Variants in ERBB4 observed in about 807,000 individuals in gnomAD.
ERBB4 encodes receptor tyrosine-protein kinase erbB-4.
ERBB4 carries 42 observed loss-of-function variants against 158.0 expected under a neutral mutation model. The observed-to-expected ratio is 0.27, with a 90% confidence interval of 0.21 to 0.34. ERBB4 has a LOEUF of 0.34. ERBB4 is among the 10% of genes least tolerant of loss of function. The pLI, the probability that ERBB4 is intolerant of heterozygous loss-of-function variation, is 1.00. For missense variants in ERBB4, 1,333 were observed against 1,624.1 expected, an observed-to-expected ratio of 0.82 and a Z score of 3.08; for synonymous variants, 583 against 558.7, an observed-to-expected ratio of 1.04 and a Z score of -0.61.
chr2:212,312,076 C>A (rs189086766), intron 1 of ERBB4, among the ~76,000 whole-genome samples: 8 of 150,900 alleles, frequency 5.3e-5, no homozygotes, highest in African/African-American at 1.9e-4. Context: ...CTGAAGAAAG[C>A]GAAGATTTTT....
At position 211,382,520 on chromosome 2, in the gene ERBB4, T is replaced by C; in HGVS notation, c.*1095A>G. On this transcript the variant is annotated 3_prime_UTR_variant, in exon 28 of 28. Transcript: ENST00000342788. Reference sequence around the variant, plus strand: ...AGTTCAGAAAAAGAACAAATAAAATTACAGCTTAAGTGCAAACTACATTTC... The same window carrying C: ...AGTTCAGAAAAAGAACAAATAAAATCACAGCTTAAGTGCAAACTACATTTC... 1 of 232,894 alleles carries C rather than the reference T, an allele frequency of 4.3e-6. No individual in the cohort carries two copies. The highest frequency in any genetic ancestry group is 8.5e-6 in the Non-Finnish European group (1 of 117,540). 14.4% of individuals were successfully genotyped at this position (232,894 alleles called of 1,614,324 possible).
chr2:211,619,318 A>G, intron 18 of ERBB4, 43 bp from the exon 19 acceptor site: 1 of 1,086,856 alleles, frequency 9.2e-7, no homozygotes, highest in Non-Finnish European at 1.4e-6. Context: ...ATCTCAACCT[A>G]TTAAGTTCTT....
At chr2:211,847,581 A>C (rs1370874855) in intron 3 of ERBB4, among the ~76,000 whole-genome samples, 1 of 152,272 alleles carries the variant, frequency 6.6e-6, no homozygotes, top group South Asian at 2.1e-4. Context: ...GGCCCAGAAC[A>C]GCTTTGAATG....
At chr2:212,357,054 A>G (rs1006832130) in intron 1 of ERBB4, among the ~76,000 whole-genome samples, 11 of 151,922 alleles carry the variant, frequency 7.2e-5, no homozygotes, top group Non-Finnish European at 1.6e-4. Context: ...CATAAGATAC[A>G]TAATAGTGTC....
At chr2:211,704,274 A>C (rs571398407) in intron 10 of ERBB4, 80 bp from the exon 11 acceptor site, 1 of 916,180 alleles carries the variant, frequency 1.1e-6, no homozygotes, top group East Asian at 2.4e-5. Flanking sequence ...AATATGGTGA[A>C]AATGTGTTGA....
chr2:211,740,284 T>A (rs1032447667), intron 5 of ERBB4, among the ~76,000 whole-genome samples: 13 of 151,946 alleles, frequency 8.6e-5, no homozygotes, highest in Non-Finnish European at 1.8e-4. Context: ...AATTATTTTT[T>A]AAAATATTTT....
chr2:212,321,825 T>A (rs983633775), intron 1 of ERBB4, among the ~76,000 whole-genome samples: 1 of 150,658 alleles, frequency 6.6e-6, no homozygotes, highest in Non-Finnish European at 1.5e-5. Flanking sequence ...GTGACTTAGA[T>A]GTCTCGGTAT....
intron 20 of ERBB4, among the ~76,000 whole-genome samples, chr2:211,467,452 C>A (rs1315415930): frequency 1.3e-5 from 2 of 152,094 alleles, no homozygotes; most frequent in African/African-American, 4.8e-5. Context: ...TTAGGCAGCA[C>A]TAATGTATTT....
At chr2:212,190,303 A>G (rs552426029) in intron 1 of ERBB4, among the ~76,000 whole-genome samples, 58 of 152,296 alleles carry the variant, frequency 3.8e-4, no homozygotes, top group Non-Finnish European at 7.1e-4. Flanking sequence ...TTGGGAGGCC[A>G]AGGCGGGCGG....
chr2:211,427,996 G>C (rs1340597147), intron 22 of ERBB4, among the ~76,000 whole-genome samples: 1 of 151,076 alleles, frequency 6.6e-6, no homozygotes, highest in Non-Finnish European at 1.5e-5. Flanking sequence ...ATATTTTGTT[G>C]CTCTTCAATG....
At chr2:212,327,462 G>A (rs2087901662) in intron 1 of ERBB4, among the ~76,000 whole-genome samples, 3 of 151,890 alleles carry the variant, frequency 2.0e-5, no homozygotes, top group Admixed American at 2.0e-4. Context: ...CAAAGCAGAA[G>A]CTAAGTATTA....
At chr2:212,387,199 G>A (rs1402046160) in intron 1 of ERBB4, among the ~76,000 whole-genome samples, 1 of 152,046 alleles carries the variant, frequency 6.6e-6, no homozygotes, top group Non-Finnish European at 1.5e-5. Context: ...TTTGGTGTAT[G>A]GAACATGATA....
intron 3 of ERBB4, among the ~76,000 whole-genome samples, chr2:211,819,940 A>C (rs2076958699): frequency 6.6e-6 from 1 of 151,956 alleles, no homozygotes; most frequent in African/African-American, 2.4e-5. Flanking sequence ...ATCACACTTA[A>C]ATAAATGAAT....
chr2:211,716,153 G>C (rs1052675472), intron 7 of ERBB4, among the ~76,000 whole-genome samples: 7 of 151,184 alleles, frequency 4.6e-5, no homozygotes, highest in Non-Finnish European at 7.4e-5. Flanking sequence ...ACCTGAGGTA[G>C]GGAGTTCAAG....
chr2:211,498,303 C>T (rs1255946269), intron 20 of ERBB4, among the ~76,000 whole-genome samples: 2 of 152,050 alleles, frequency 1.3e-5, no homozygotes, highest in African/African-American at 4.8e-5. Context: ...TTCAACACCC[C>T]TAAAGGATAC....
chr2:212,180,501 C>T (rs1384803515), intron 1 of ERBB4, among the ~76,000 whole-genome samples: 1 of 151,654 alleles, frequency 6.6e-6, no homozygotes, highest in South Asian at 2.1e-4. Context: ...CCTTTAAGAT[C>T]ACTCTATTCC....
At chr2:211,950,349 C>A (rs2080840537) in intron 2 of ERBB4, among the ~76,000 whole-genome samples, 1 of 152,114 alleles carries the variant, frequency 6.6e-6, no homozygotes, top group South Asian at 2.1e-4. Flanking sequence ...TCTCACAATA[C>A]AGGATAGAAG....
At chr2:211,518,575 AC>A (rs2066101944) in intron 20 of ERBB4, among the ~76,000 whole-genome samples, 1 of 151,694 alleles carries the variant, frequency 6.6e-6, no homozygotes, top group African/African-American at 2.4e-5. Context: ...AATTGCTTGA[AC>A]CTGGGAGGCG....
At chr2:211,841,345 A>T (rs149558401) in intron 3 of ERBB4, among the ~76,000 whole-genome samples, 1 of 152,086 alleles carries the variant, frequency 6.6e-6, no homozygotes, top group Non-Finnish European at 1.5e-5. Flanking sequence ...TTACAACTGT[A>T]ACAATGTCAA....
Sources: allele counts gnomAD v4.1 joint callset (sites outside exome capture counted in the v4.1 genomes callset), GRCh38; gene constraint gnomAD v4.1.1; transcripts MANE v1.5; gene names NCBI Gene and HGNC (gene_info 2026-07-23, HGNC 2026-07-21).